LTBP2: variants seen among roughly 807,000 people sequenced by gnomAD.
The protein encoded by LTBP2 is latent-transforming growth factor beta-binding protein 2.
LTBP2 carries 103 observed loss-of-function variants against 210.6 expected under a neutral mutation model. The ratio of observed to expected loss-of-function variants is 0.49; its 90% CI spans 0.42 to 0.58. The LOEUF is 0.58. LTBP2 is among the 20% of genes least tolerant of loss of function. The pLI, the probability that LTBP2 is intolerant of heterozygous loss-of-function variation, is 0.00. For missense variants in LTBP2, 2,313 were observed against 2,494.5 expected (o/e 0.93, Z 1.55); for synonymous variants, 1,007 against 1,015.0 (o/e 0.99, Z 0.15).
intron 3 of LTBP2, among the ~76,000 whole-genome samples, chr14:74,579,158 C>T (rs2088102462): frequency 6.6e-6 from 1 of 152,180 alleles, no homozygotes; most frequent in Non-Finnish European, 1.5e-5. Context: ...CGCCTGGCCC[C>T]AGCACCTAGT....
In LTBP2 at chr14:74,507,974, C is replaced by A; in HGVS notation, c.3774G>T (p.Val1258=). The change falls in exon 25 of 36, where the codon GTG becomes GTT. Residue 1258 remains valine (V), a splice_region_variant and synonymous_variant. Coordinates refer to ENST00000261978, the MANE Select transcript of LTBP2 (RefSeq NM_000428.3). The part of the protein sequence containing the change: ...FQPSPESGEC[V]DIDECEDYGD... ...GTGCCCTCCCCCCAGAGCCCTTACCCACACACTCTCCACTCTCTGGGGAGG... is the reference window on the plus strand; with the variant it reads ...GTGCCCTCCCCCCAGAGCCCTTACCAACACACTCTCCACTCTCTGGGGAGG... 6.2e-7 allele frequency: 1 copy of A among 1,613,226 alleles called. No individual in the cohort carries two copies. Among genetic ancestry groups the A allele is most frequent in the South Asian group, 1.1e-5 (1 of 91,042 alleles).
At chr14:74,512,418 C>A (rs80189658) in intron 18 of LTBP2, among the ~76,000 whole-genome samples, 3,355 of 152,320 alleles carry the variant, frequency 0.022, 64 homozygotes, top group Middle Eastern at 0.037. Context: ...ACCTACTCAG[C>A]ACCTATGGAG....
At chr14:74,577,593 C>T (rs1261833245) in intron 3 of LTBP2, among the ~76,000 whole-genome samples, 2 of 151,048 alleles carry the variant, frequency 1.3e-5, no homozygotes, top group Non-Finnish European at 2.9e-5. Context: ...ACTGCAACCT[C>T]TACCTCCCAG....
At chr14:74,579,048 G>A (rs748449523) in intron 3 of LTBP2, among the ~76,000 whole-genome samples, 1 of 152,162 alleles carries the variant, frequency 6.6e-6, no homozygotes, top group Non-Finnish European at 1.5e-5. Context: ...GTAGAGACGG[G>A]GTTTCGCCAT....
intron 8 of LTBP2, among the ~76,000 whole-genome samples, chr14:74,540,886 A>AT (rs2087497420): frequency 1.2e-5 from 1 of 84,530 alleles, no homozygotes; most frequent in African/African-American, 3.9e-5. Flanking sequence ...TAATATATAT[A>AT]TTATATATTA....
rs2087726407 is a variant in LTBP2, at chr14:74,556,188, GTCT to G, written c.831-498_831-496del. ...AGATTGATTCAGGGCAGAGCCTAGA[GTCT>G]CCCTCTCATTGATTTTTATTGTAAG... On this transcript the variant is annotated intron_variant, in intron 3 of 35. Transcript: ENST00000261978. Among the ~76,000 whole-genome samples the G allele has an allele frequency of 4.6e-5, 7 of 152,304 alleles. No individual in the cohort carries two copies. In the South Asian group the frequency reaches 1.4e-3, roughly 32 times the overall value.
At chr14:74,580,438 A>T (rs1302421224) in intron 3 of LTBP2, among the ~76,000 whole-genome samples, 1 of 152,224 alleles carries the variant, frequency 6.6e-6, no homozygotes, top group African/African-American at 2.4e-5. Context: ...GACACACACA[A>T]GGAAGAAGGC....
intron 27 of LTBP2, 146 bp from the exon 28 acceptor site, chr14:74,506,337 C>T (rs1376714213): frequency 1.8e-6 from 2 of 1,097,538 alleles, no homozygotes; most frequent in Non-Finnish European, 2.7e-6. Flanking sequence ...GAGGAGGAAC[C>T]AATGGACAGA....
At chr14:74,609,898 G>T (rs1021604379) in intron 1 of LTBP2, among the ~76,000 whole-genome samples, 3 of 152,266 alleles carry the variant, frequency 2.0e-5, no homozygotes, top group Non-Finnish European at 4.4e-5. Flanking sequence ...TTGGAAGCAT[G>T]CATTCACTTG....
In LTBP2 at chr14:74,502,842, G is replaced by A; in HGVS notation, c.4981C>T (p.Pro1661Ser). ...FRPGYEYGPG[P>S]DDLHYSIYGP... ...TAGATGCTGTAGTGCAGGTCATCGG[G>A]CCCGGGGCCATACTCATAGCCTGGC... The change falls in exon 34 of 36, where the codon CCC becomes TCC. Residue 1661 changes from proline (P) to serine (S), a missense_variant. Transcript: ENST00000261978. 1.2e-6 allele frequency: 2 copies of A among 1,614,126 alleles called. No homozygotes were observed. Among genetic ancestry groups the A allele is most frequent in the African/African-American group, 1.3e-5 (1 of 75,054 alleles).
rs757337017 is a variant in LTBP2, at chr14:74,503,917, T to G, written c.4582+9A>C. Reference sequence around the variant, plus strand: ...CTGGGGTGGGGGCAGGGATCATGTGTGTCCTTACCCTCACACTTCTTGTGG... The same window carrying G: ...CTGGGGTGGGGGCAGGGATCATGTGGGTCCTTACCCTCACACTTCTTGTGG... On this transcript the variant is annotated intron_variant, in intron 31 of 35. Coordinates refer to ENST00000261978, the MANE Select transcript of LTBP2 (RefSeq NM_000428.3). 4 of 1,614,028 alleles carry G rather than the reference T, an allele frequency of 2.5e-6. No individual in the cohort carries two copies. The highest frequency in any genetic ancestry group is 3.4e-6 in the Non-Finnish European group (4 of 1,180,022).
intron 3 of LTBP2, among the ~76,000 whole-genome samples, chr14:74,567,684 A>T (rs1018481113): frequency 3.3e-5 from 5 of 152,038 alleles, no homozygotes; most frequent in Non-Finnish European, 7.4e-5. Context: ...GAGGGAAGGG[A>T]CTGGGCCTTA....
intron 3 of LTBP2, among the ~76,000 whole-genome samples, chr14:74,559,524 A>C (rs1050972290): frequency 1.3e-5 from 2 of 152,110 alleles, no homozygotes; most frequent in African/African-American, 2.4e-5. Context: ...GAGCAGCGAG[A>C]GAGGCTCTCG....
rs1319432582 is a variant in LTBP2 at position 74,586,428 on chromosome 14, C to A, written c.566-310G>T. On this transcript the variant is annotated intron_variant, in intron 2 of 35. Transcript: ENST00000261978. The surrounding 1 kb of genome is among the most constrained non-coding windows in gnomAD (Gnocchi z 4.6). ...TGCACTGCCTGACACTGTGTCTATA[C>A]TGAAATGTTCACTCCCACCAGACTG... Among the ~76,000 whole-genome samples the A allele has an allele frequency of 6.6e-6, 1 of 152,180 alleles. No individual in the cohort carries two copies. Among genetic ancestry groups the A allele is most frequent in the African/African-American group, 2.4e-5 (1 of 41,432 alleles).
At chr14:74,506,668 C>T in intron 27 of LTBP2, 30 bp downstream of exon 27, 1 of 1,611,622 alleles carries the variant, frequency 6.2e-7, no homozygotes, top group African/African-American at 1.3e-5. Flanking sequence ...TTCCCTGGCC[C>T]AGACCTTGGG....
In LTBP2 at chr14:74,516,867, C is replaced by T. The variant is rs1475809210; in HGVS notation, c.2863G>A (p.Glu955Lys). 19 of 1,551,794 alleles carry T rather than the reference C, an allele frequency of 1.2e-5. No homozygotes were observed. The highest frequency in any genetic ancestry group is 1.7e-4 in the Middle Eastern group (1 of 6,014). ...CTNTEGSYHC[E>K]CDQGYIMVRK... ...ACCATGATGTAGCCCTGATCACACT[C>T]GCAGTGGTACGAGCCCTCGGTGTTG... The change falls in exon 18 of 36, where the codon GAG becomes AAG. Residue 955 changes from glutamate to lysine, a missense_variant. By Grantham distance (56) the Glu-to-Lys change is moderately conservative. Around this residue, in one of 3 missense-constraint regions of LTBP2, gnomAD observed 1,867 missense variants for 1,976.9 expected, o/e 0.94. Coordinates refer to ENST00000261978, the MANE Select transcript of LTBP2 (RefSeq NM_000428.3).
Position 74,552,774 on chromosome 14 carries a change from G to A in LTBP2, c.1192+118C>T, listed in dbSNP as rs2087677386. 3.7e-6 allele frequency: 5 copies of A among 1,333,792 alleles called. No individual in the cohort carries two copies. The African/African-American group carries it at 5.8e-5, about 15-fold the overall frequency. The allele number at this position is 1,333,792 out of a possible 1,614,324, so 82.6% of individuals were successfully genotyped here. On this transcript the variant is annotated intron_variant, in intron 5 of 35. Coordinates refer to ENST00000261978, the MANE Select transcript of LTBP2 (RefSeq NM_000428.3). ...GGACTCAGCTCCCCATGTGATTTGG[G>A]ACAACTTGTGGAGCCACAGTTTGGG...
rs949524402 is a variant in LTBP2, at chr14:74,607,471, T to C, written c.495-3766A>G. The stretch of plus-strand genomic sequence containing the variant: ...AAAATGAGTCAAGCACTGTCTGTAA[T>C]AGCAAAAAAATTCAGTAGAATTTTT... On this transcript the variant is annotated intron_variant, in intron 1 of 35. Transcript: ENST00000261978. Among the ~76,000 whole-genome samples, 7 of 152,296 alleles carry C rather than the reference T, an allele frequency of 4.6e-5. No homozygotes were observed. In the East Asian group the frequency reaches 9.6e-4, roughly 21 times the overall value.
intron 3 of LTBP2, among the ~76,000 whole-genome samples, chr14:74,565,090 G>A (rs535427820): frequency 2.6e-5 from 4 of 152,246 alleles, no homozygotes; most frequent in East Asian, 1.9e-4. Flanking sequence ...GAAATGACCC[G>A]GTCCGAAGAA....
Sources: allele counts gnomAD v4.1 joint callset (sites outside exome capture counted in the v4.1 genomes callset), GRCh38; gene constraint gnomAD v4.1.1; regional missense constraint gnomAD v4.1.1; non-coding constraint Gnocchi (gnomAD v3.1); transcripts MANE v1.5; gene names NCBI Gene and HGNC (gene_info 2026-07-23, HGNC 2026-07-21).